The following RIF1 variants were observed in gnomAD, a reference collection of about 807,000 sequenced individuals.
RIF1 encodes the protein replication timing regulatory factor 1.
Under a neutral mutation model 247.1 loss-of-function variants are expected in RIF1, and 45 were observed. The observed-to-expected ratio is 0.18, with a 90% CI of 0.14 to 0.23. The LOEUF is 0.23. RIF1 is among the 10% of genes least tolerant of loss of function. RIF1 has a pLI of 1.00. For synonymous variants in RIF1, 1,087 were observed against 978.8 expected (o/e 1.11, Z -2.06); for missense variants, 2,967 against 2,862.5 (o/e 1.04, Z -0.83).
intron 34 of RIF1, among the ~76,000 whole-genome samples, chr2:151,472,587 T>C (rs770627464): frequency 4.6e-5 from 7 of 152,224 alleles, no homozygotes; most frequent in Non-Finnish European, 8.8e-5. Context: ...TGAAGTGTTG[T>C]TGAATTTTGT....
At chr2:151,456,829 A>G (rs868764226) in intron 23 of RIF1, among the ~76,000 whole-genome samples, 4 of 151,024 alleles carry the variant, frequency 2.6e-5, no homozygotes, top group African/African-American at 9.8e-5. Context: ...ACCTCCTGGG[A>G]TCAAGTGATT....
At chr2:151,514,467 G>A in the RIF1 span, 5 of 1,439,292 alleles carry the variant, frequency 3.5e-6, no homozygotes, top group Admixed American at 1.7e-5. Flanking sequence ...TGACAAGAAA[G>A]CCCAGATTGA....
chr2:151,450,736 A>G (rs1694168507), intron 20 of RIF1, among the ~76,000 whole-genome samples: 1 of 151,992 alleles, frequency 6.6e-6, no homozygotes, highest in Admixed American at 6.6e-5. Context: ...AGCATTCACC[A>G]CCACGCCTGG....
At chr2:151,453,542 A>G (rs1694683713) in intron 21 of RIF1, among the ~76,000 whole-genome samples, 1 of 139,450 alleles carries the variant, frequency 7.2e-6, no homozygotes, top group Non-Finnish European at 1.5e-5. Context: ...ATGCCACTGC[A>G]CTCCACCAGC....
intron 10 of RIF1, among the ~76,000 whole-genome samples, chr2:151,495,774 T>A (rs1262735409): frequency 6.6e-6 from 1 of 152,310 alleles, no homozygotes; most frequent in South Asian, 2.1e-4. Flanking sequence ...TTGCCAAAAC[T>A]ACTATTGGAT....
chr2:151,414,909 A>C lies in RIF1; in HGVS notation c.270A>C (p.Ser90=). The change falls in exon 4 of 36, where the codon TCA becomes TCC. Residue 90 remains serine (S), a synonymous_variant. Transcript: ENST00000444746. ...GCTTATATAATCCCAAAATTACCTC[A>C]GAATTATCAGGTAGATAAATTTCTT... ...GFCLYNPKIT[S]ELSEANALEL... 1 of 1,596,906 alleles carries C rather than the reference A, an allele frequency of 6.3e-7. No homozygotes were observed. The highest frequency in any genetic ancestry group is 1.3e-5 in the African/African-American group (1 of 74,734).
At chr2:151,513,632 T>C in the RIF1 span, 25 of 1,610,650 alleles carry the variant, frequency 1.6e-5, no homozygotes, top group East Asian at 4.2e-4. Flanking sequence ...CGGAGTTTCA[T>C]TGGCCATGGC....
rs1244102181 is a variant in RIF1, at chr2:151,463,338, C to T, written c.3818C>T (p.Ser1273Leu). Residue 1273 changes from serine to leucine, a missense_variant, in exon 30 of 36, where the codon TCA becomes TTA. Ser to Leu is a moderately radical substitution (Grantham distance 145). Coordinates refer to ENST00000444746, the MANE Select transcript of RIF1 (RefSeq NM_018151.5). ...GCAAAGCAAAGAGAAGGGACTTTTT[C>T]AAAATCTGATTCTGAAAAAATAGTG... is the stretch of plus-strand genomic sequence containing the variant. ...PKAKQREGTF[S>L]KSDSEKIVNG... The T allele has an allele frequency of 1.3e-5, 21 of 1,613,218 alleles. No individual in the cohort carries two copies. The highest frequency in any genetic ancestry group is 1.8e-5 in the Non-Finnish European group (21 of 1,179,844).
chr2:151,420,494 G>A (rs560476015), intron 7 of RIF1, 115 bp downstream of exon 7: 31 of 935,404 alleles, frequency 3.3e-5, no homozygotes, highest in African/African-American at 2.8e-4. Context: ...GTCCCAAAGC[G>A]GGAGGCTGAG....
rs754795986 is a variant in RIF1, at chr2:151,434,437, A to ATTTTTT, written c.1078-1010_1078-1005dup. Among the ~76,000 whole-genome samples, 375 of 107,004 alleles carry ATTTTTT rather than the reference A, an allele frequency of 3.5e-3. 4 individuals carry two copies. Among genetic ancestry groups the ATTTTTT allele is most frequent in the Middle Eastern group, 6.3e-3 (1 of 158 alleles). The allele number at this position is 107,004 out of a possible 152,430, so 70.2% of individuals were successfully genotyped here. A position where few individuals can be genotyped will look rare whatever the true frequency, so the allele number is the denominator to read the frequency against. The stretch of plus-strand genomic sequence containing the variant: ...AGTTATTTCCATCCTTGGTTTTTGA[A>ATTTTTT]TTTTTTTTTTTTTTTTTTTTTGAGA... On this transcript the variant is annotated intron_variant, in intron 10 of 35. Coordinates refer to ENST00000444746, the MANE Select transcript of RIF1 (RefSeq NM_018151.5).
downstream of RIF1, among the ~76,000 whole-genome samples, chr2:151,482,698 G>A (rs1172822600): frequency 6.6e-6 from 1 of 152,192 alleles, no homozygotes; most frequent in East Asian, 1.9e-4. Flanking sequence ...GGTAAACAGT[G>A]ATGTTGAAAG....
At chr2:151,524,608 G>A in the RIF1 span, 2 of 1,425,238 alleles carry the variant, frequency 1.4e-6, no homozygotes, top group South Asian at 2.3e-5. Flanking sequence ...CATCTTTTCT[G>A]TAAGCGACCT....
At chr2:151,523,235 A>T in the RIF1 span, among the ~76,000 whole-genome samples, 1 of 152,204 alleles carries the variant, frequency 6.6e-6, no homozygotes, top group Non-Finnish European at 1.5e-5. Context: ...CAATTCCATT[A>T]ATTTATAATA....
chr2:151,475,100 T>A lies in RIF1; in HGVS notation c.*29T>A, dbSNP rs759773579. 1.5e-5 allele frequency: 22 copies of A among 1,431,880 alleles called. No homozygotes were observed. Among genetic ancestry groups the A allele is most frequent in the East Asian group, 9.1e-5 (4 of 43,864 alleles). The allele number at this position is 1,431,880 out of a possible 1,614,324, so 88.7% of individuals were successfully genotyped here. ...TTTCAGAGAAAATTGAAGGTTTTTT[T>A]AAACATCACTGGATTTCTTGATTGA... On this transcript the variant is annotated 3_prime_UTR_variant, in exon 36 of 36. Transcript: ENST00000444746.
downstream of RIF1, among the ~76,000 whole-genome samples, chr2:151,511,658 C>T (rs1354976220): frequency 6.6e-6 from 1 of 152,204 alleles, no homozygotes; most frequent in Non-Finnish European, 1.5e-5. Context: ...AAACAAATTG[C>T]AGACTCCTGA....
chr2:151,532,181 C>A, the RIF1 span: 1 of 250,760 alleles, frequency 4.0e-6, no homozygotes, highest in Admixed American at 5.2e-5. Context: ...ACTGCAACCT[C>A]CACCTCCCAG....
intron 9 of RIF1, chr2:151,490,256 T>C (rs2055227263): frequency 2.2e-6 from 3 of 1,346,566 alleles, no homozygotes; most frequent in Non-Finnish European, 3.0e-6. Flanking sequence ...TCTTTTCTCA[T>C]TAAAGGAAAG....
intron 9 of RIF1, among the ~76,000 whole-genome samples, chr2:151,488,368 C>T (rs919492732): frequency 4.0e-5 from 6 of 151,298 alleles, no homozygotes; most frequent in South Asian, 2.1e-4. Context: ...TAATTGTGGC[C>T]GGGCTGAGTG....
chr2:151,427,022 C>G (rs551975049), intron 8 of RIF1, among the ~76,000 whole-genome samples: 55 of 152,026 alleles, frequency 3.6e-4, no homozygotes, highest in African/African-American at 1.2e-3. Context: ...AGATCTATTA[C>G]GAAGTATTTC....
Sources: allele counts gnomAD v4.1 joint callset (sites outside exome capture counted in the v4.1 genomes callset), GRCh38; gene constraint gnomAD v4.1.1; transcripts MANE v1.5; gene names NCBI Gene and HGNC (gene_info 2026-07-23, HGNC 2026-07-21).